The following ADCY8 variants were observed in gnomAD, a reference collection of about 807,000 sequenced individuals.
ADCY8 encodes adenylate cyclase 8.
Under a neutral mutation model 119.7 loss-of-function variants are expected in ADCY8, and 51 were observed. The observed-to-expected ratio is 0.43, with a 90% CI of 0.34 to 0.54. ADCY8 has a LOEUF of 0.54. Ranked by LOEUF, ADCY8 falls within the 20% of genes least tolerant of loss-of-function variation. ADCY8 has a pLI of 0.03. For synonymous variants in ADCY8, 665 were observed against 651.0 expected (o/e 1.02, Z -0.33); for missense variants, 1,383 against 1,598.8 (o/e 0.87, Z 2.30).
At chr8:130,895,185 G>A (rs1819343439) in intron 7 of ADCY8, among the ~76,000 whole-genome samples, 1 of 152,024 alleles carries the variant, frequency 6.6e-6, no homozygotes, top group African/African-American at 2.4e-5. Flanking sequence ...TTTCCACCTT[G>A]ACATATTTAA....
intron 2 of ADCY8, among the ~76,000 whole-genome samples, chr8:130,968,937 A>G (rs540271054): frequency 1.3e-5 from 2 of 152,276 alleles, no homozygotes; most frequent in South Asian, 4.1e-4. Flanking sequence ...GGGCTTAAAG[A>G]CTTCAAAGTC....
At position 131,039,555 on chromosome 8, in the gene ADCY8, G is replaced by A. The variant is rs371846387; in HGVS notation, c.779C>T (p.Ala260Val). The A allele has an allele frequency of 5.6e-6, 9 of 1,613,704 alleles. No individual in the cohort carries two copies. The East Asian group carries it at 2.0e-4, about 36-fold the overall frequency. The change falls in exon 1 of 18, where the codon GCA becomes GTA. Residue 260 changes from alanine (A) to valine (V), a missense_variant. By Grantham distance (64) the Ala-to-Val change is moderately conservative. Around this residue, in one of 2 missense-constraint regions of ADCY8, gnomAD observed 455 missense variants for 435.3 expected, o/e 1.05. Transcript: ENST00000286355. The stretch of plus-strand genomic sequence containing the variant: ...GCCCAGGAGCCCGTAGCCGAGGCCT[G>A]CTGCCAGGATCTGGGTGGTCATGGC... ...WVAMTTQILA[A>V]GLGYGLLGDG...
At chr8:131,005,259 G>T (rs151187993) in intron 1 of ADCY8, among the ~76,000 whole-genome samples, 4 of 152,178 alleles carry the variant, frequency 2.6e-5, no homozygotes, top group South Asian at 4.1e-4. Context: ...CATTGGAAGC[G>T]CTGTCTACAA....
intron 2 of ADCY8, among the ~76,000 whole-genome samples, chr8:130,953,738 T>C (rs1011116302): frequency 6.6e-5 from 10 of 152,206 alleles, no homozygotes; most frequent in Non-Finnish European, 1.3e-4. Flanking sequence ...ATAAAATATG[T>C]GAGGGGCCTG....
chr8:130,984,859 C>T (rs544456907), intron 2 of ADCY8, among the ~76,000 whole-genome samples: 5 of 152,062 alleles, frequency 3.3e-5, no homozygotes, highest in Non-Finnish European at 7.4e-5. Context: ...GGCTATCAAG[C>T]TGGTGCTGGT....
intron 2 of ADCY8, among the ~76,000 whole-genome samples, chr8:130,974,842 G>A (rs540351032): frequency 1.6e-4 from 25 of 152,198 alleles, no homozygotes; most frequent in African/African-American, 5.5e-4. Context: ...GGCAACCACA[G>A]TTACGGAGAT....
intron 12 of ADCY8, among the ~76,000 whole-genome samples, chr8:130,830,447 C>T (rs978164963): frequency 2.6e-5 from 4 of 152,166 alleles, no homozygotes; most frequent in African/African-American, 9.7e-5. Flanking sequence ...AAATCAGACA[C>T]TGTTTCCTCA....
intron 6 of ADCY8, among the ~76,000 whole-genome samples, chr8:130,907,820 C>T (rs1031740812): frequency 1.2e-4 from 19 of 152,084 alleles, no homozygotes; most frequent in Admixed American, 1.3e-4. Flanking sequence ...TGCTGAGGTT[C>T]GGGGTAAGAA....
At chr8:130,901,038 C>T (rs1307383137) in intron 7 of ADCY8, among the ~76,000 whole-genome samples, 1 of 152,174 alleles carries the variant, frequency 6.6e-6, no homozygotes, top group Non-Finnish European at 1.5e-5. Flanking sequence ...TCAAACTTGA[C>T]TGATTCCTCT....
At chr8:130,981,871 C>A (rs1822250235) in intron 2 of ADCY8, among the ~76,000 whole-genome samples, 1 of 152,126 alleles carries the variant, frequency 6.6e-6, no homozygotes, top group East Asian at 1.9e-4. Flanking sequence ...TCTATTGAGG[C>A]CCCACTATGT....
At chr8:130,883,635 A>G (rs958753584) in intron 8 of ADCY8, among the ~76,000 whole-genome samples, 1 of 152,196 alleles carries the variant, frequency 6.6e-6, no homozygotes, top group Non-Finnish European at 1.5e-5. Context: ...TATTGAATCA[A>G]ACTCCTGAAA....
At chr8:130,819,361 C>A (rs754606416) in intron 13 of ADCY8, among the ~76,000 whole-genome samples, 3 of 152,204 alleles carry the variant, frequency 2.0e-5, no homozygotes, top group African/African-American at 7.2e-5. Flanking sequence ...CATACCCGTA[C>A]TTTACCTATA....
chr8:130,853,781 G>C (rs1817618792), intron 9 of ADCY8, among the ~76,000 whole-genome samples: 3 of 152,148 alleles, frequency 2.0e-5, no homozygotes, highest in African/African-American at 7.2e-5. Flanking sequence ...ATGTGGTCCA[G>C]TGGCAAGAGC....
intron 5 of ADCY8, among the ~76,000 whole-genome samples, chr8:130,925,234 A>C (rs975998632): frequency 9.9e-5 from 15 of 152,026 alleles, no homozygotes; most frequent in African/African-American, 3.4e-4. Flanking sequence ...AAAACAAAAC[A>C]AACAAAAAGA....
At chr8:130,862,614 C>T (rs1317484986) in intron 9 of ADCY8, among the ~76,000 whole-genome samples, 1 of 152,100 alleles carries the variant, frequency 6.6e-6, no homozygotes, top group Non-Finnish European at 1.5e-5. Flanking sequence ...GGGGTTTCAC[C>T]GTGTTAGCCA....
intron 2 of ADCY8, among the ~76,000 whole-genome samples, chr8:130,969,610 A>G (rs999177861): frequency 8.5e-5 from 13 of 152,190 alleles, no homozygotes; most frequent in South Asian, 2.1e-4. Flanking sequence ...CCTGGCCACA[A>G]TGATTTGCCA....
chr8:131,015,447 C>G (rs1205526567), intron 1 of ADCY8, among the ~76,000 whole-genome samples: 1 of 152,022 alleles, frequency 6.6e-6, no homozygotes, highest in East Asian at 1.9e-4. Flanking sequence ...AGTACAGATT[C>G]CATTATCAAC....
chr8:130,909,039 A>ATCCAT (rs138730507), intron 6 of ADCY8, among the ~76,000 whole-genome samples: 5,558 of 63,940 alleles, frequency 0.087, 134 homozygotes, highest in Non-Finnish European at 0.15. Context: ...CCATCCATCC[A>ATCCAT]CCATCCATCC....
chr8:130,895,392 A>G (rs7001427), intron 7 of ADCY8, among the ~76,000 whole-genome samples: 2 of 151,914 alleles, frequency 1.3e-5, no homozygotes, highest in African/African-American at 4.8e-5. Context: ...GTCTGTGGTT[A>G]TACATAAGCC....
Sources: gnomAD v4.1 joint callset for allele counts (sites outside exome capture counted in the v4.1 genomes callset) on GRCh38, gnomAD v4.1.1 for gene constraint, gnomAD v4.1.1 regional missense constraint, MANE v1.5 for transcripts, NCBI Gene and HGNC (gene_info 2026-07-23, HGNC 2026-07-21) for gene names.